USP47: variants seen among roughly 807,000 people sequenced by gnomAD.
USP47 encodes ubiquitin carboxyl-terminal hydrolase 47.
A neutral mutation model predicts 165.1 loss-of-function variants in USP47; 35 were observed. The observed-to-expected ratio is 0.21, with a 90% CI of 0.16 to 0.28. The LOEUF is 0.28. Among genes scored for constraint, USP47 ranks in the 10% least tolerant of loss-of-function variants. The pLI is 1.00. For synonymous variants in USP47, 531 were observed against 544.5 expected (o/e 0.98, Z 0.35); for missense variants, 1,277 against 1,607.4 (o/e 0.79, Z 3.52).
chr11:11,868,016 C>T (rs1849792380), intron 1 of USP47, among the ~76,000 whole-genome samples: 1 of 152,142 alleles, frequency 6.6e-6, no homozygotes, highest in Non-Finnish European at 1.5e-5. Flanking sequence ...AGTCCTCTTT[C>T]AGTCTCTAGG....
chr11:11,860,418 T>C (rs919679944), intron 1 of USP47, among the ~76,000 whole-genome samples: 3 of 152,192 alleles, frequency 2.0e-5, no homozygotes, highest in African/African-American at 7.2e-5. Flanking sequence ...CAGTCCATTG[T>C]TCTTGTACCA....
chr11:11,940,279 A>G, intron 18 of USP47, 150 bp from the exon 19 acceptor site: 1 of 723,372 alleles, frequency 1.4e-6, no homozygotes, highest in Non-Finnish European at 2.0e-6. Flanking sequence ...TTTCCCTTCA[A>G]TTATTCAAAA....
rs556720326 is a variant in USP47, at chr11:11,899,647, T to TA, written c.593+1957dup. ...AGGAACTTCACAGGAACAAGCCCTC[T>TA]AAAGATTTACAGTAAGAGCATACAA... is the stretch of plus-strand genomic sequence containing the variant. On this transcript the variant is annotated intron_variant, in intron 5 of 27. Transcript: ENST00000527733. 2.6e-4 allele frequency among the ~76,000 whole-genome samples: 40 copies of TA among 152,182 alleles called. No individual in the cohort carries two copies. In the East Asian group the frequency reaches 4.1e-3, roughly 15 times the overall value.
intron 14 of USP47, among the ~76,000 whole-genome samples, chr11:11,932,010 G>C (rs1309226328): frequency 2.0e-5 from 3 of 152,106 alleles, no homozygotes; most frequent in African/African-American, 7.2e-5. Context: ...CCAAAACTGA[G>C]TAATTTATAA....
At chr11:11,914,554 T>A (rs763732313) in intron 8 of USP47, among the ~76,000 whole-genome samples, 1 of 152,080 alleles carries the variant, frequency 6.6e-6, no homozygotes, top group Non-Finnish European at 1.5e-5. Flanking sequence ...ACATTAAAAT[T>A]AAAAATATTT....
At chr11:11,933,169 T>TA (rs1854799518) in intron 15 of USP47, 53 bp downstream of exon 15, 3 of 1,407,774 alleles carry the variant, frequency 2.1e-6, no homozygotes, top group Admixed American at 3.8e-5. Context: ...TAAGCTCGCT[T>TA]ACCTGCAATT....
intron 1 of USP47, among the ~76,000 whole-genome samples, chr11:11,850,353 A>G (rs1225916722): frequency 6.8e-6 from 1 of 146,708 alleles, no homozygotes; most frequent in African/African-American, 2.5e-5. Context: ...TTTGTCTTCC[A>G]GTTTTTCTAC....
chr11:11,847,591 G>T (rs1405642892), intron 1 of USP47, among the ~76,000 whole-genome samples: 1 of 152,108 alleles, frequency 6.6e-6, no homozygotes, highest in Non-Finnish European at 1.5e-5. Context: ...GCTTAAGTTA[G>T]AACAGTTTTT....
At chr11:11,869,818 C>CGTG (rs1849917117) in intron 1 of USP47, among the ~76,000 whole-genome samples, 2 of 152,070 alleles carry the variant, frequency 1.3e-5, no homozygotes. Flanking sequence ...GGTTCATTAT[C>CGTG]GTGGGAGTGG....
intron 20 of USP47, among the ~76,000 whole-genome samples, chr11:11,946,823 A>T (rs1855876589): frequency 6.6e-6 from 1 of 152,144 alleles, no homozygotes; most frequent in Non-Finnish European, 1.5e-5. Context: ...CCCTCTTCAT[A>T]CTTTCTTCTA....
intron 5 of USP47, among the ~76,000 whole-genome samples, chr11:11,901,934 G>A (rs1852253938): frequency 6.6e-6 from 1 of 150,486 alleles, no homozygotes; most frequent in Non-Finnish European, 1.5e-5. Context: ...ACTCCAGCCT[G>A]GGCAACAGAA....
intron 20 of USP47, among the ~76,000 whole-genome samples, chr11:11,944,727 G>T (rs1249251732): frequency 6.6e-6 from 1 of 152,078 alleles, no homozygotes; most frequent in Non-Finnish European, 1.5e-5. Context: ...TTCTTTCCTT[G>T]CATCTTAGTA....
Position 11,842,006 on chromosome 11 carries a change from G to C in USP47, c.-180G>C. 1 of 607,178 alleles carries C rather than the reference G, an allele frequency of 1.6e-6. No homozygotes were observed. Among genetic ancestry groups the C allele is most frequent in the East Asian group, 3.3e-5 (1 of 30,014 alleles). The allele number at this position is 607,178 out of a possible 1,614,324, so 37.6% of individuals were successfully genotyped here. A position where few individuals can be genotyped will look rare whatever the true frequency, so the allele number is the denominator to read the frequency against. On this transcript the variant is annotated 5_prime_UTR_variant, in exon 1 of 28. Transcript: ENST00000527733. ...GGCTGTGGTAGCGGCGGCGGCGGCG[G>C]CGGAGCCCTGGGTCGGTGTCTGCGC...
Position 11,921,251 on chromosome 11 carries a change from T to C in USP47, c.1218+757T>C, listed in dbSNP as rs182013622. 4.8e-4 allele frequency among the ~76,000 whole-genome samples: 73 copies of C among 151,908 alleles called. 3 individuals carry two copies. The East Asian group carries it at 0.012, about 26-fold the overall frequency. On this transcript the variant is annotated intron_variant, in intron 10 of 27. Transcript: ENST00000527733. ...TGAAGCGTTTTTTTTTTGTTTTGTT[T>C]TGTTTTGTTTTACTGGAACTGATTA...
rs377184530 is a variant in USP47, at chr11:11,842,152, C to T, written c.-34C>T. The T allele has an allele frequency of 6.4e-7, 1 of 1,551,062 alleles. No homozygotes were observed. Among genetic ancestry groups the T allele is most frequent in the African/African-American group, 1.4e-5 (1 of 73,174 alleles). ...AGCCGCCGCCACCCTCCACCCTCCC[C>T]CGGCAGGGCGGAGAGGAGCGGCCGG... On this transcript the variant is annotated 5_prime_UTR_variant, in exon 1 of 28. Transcript: ENST00000527733.
chr11:11,865,119 C>T (rs1045137037), intron 1 of USP47, among the ~76,000 whole-genome samples: 2 of 152,072 alleles, frequency 1.3e-5, no homozygotes, highest in African/African-American at 4.8e-5. Flanking sequence ...GATTATGATG[C>T]GTCTTGAGAT....
At chr11:11,871,779 A>G (rs1055549492) in intron 1 of USP47, among the ~76,000 whole-genome samples, 2 of 151,990 alleles carry the variant, frequency 1.3e-5, no homozygotes, top group Non-Finnish European at 2.9e-5. Context: ...CAACTCCTTT[A>G]ACTCAGGGAG....
At position 11,880,391 on chromosome 11, in the gene USP47, A is replaced by G. The variant is rs1018274011; in HGVS notation, c.243+11A>G. The G allele has an allele frequency of 1.6e-6, 2 of 1,278,818 alleles. No homozygotes were observed. Among genetic ancestry groups the G allele is most frequent in the Non-Finnish European group, 2.0e-6 (2 of 1,013,552 alleles). The allele number at this position is 1,278,818 out of a possible 1,614,324, so 79.2% of individuals were successfully genotyped here. A position where few individuals can be genotyped will look rare whatever the true frequency, so the allele number is the denominator to read the frequency against. ...AATACTGCTGATATGGTAAAATCCTAGACTTAAGCTTCTAAAAATGTTATT... is the reference window on the plus strand; with the variant it reads ...AATACTGCTGATATGGTAAAATCCTGGACTTAAGCTTCTAAAAATGTTATT... On this transcript the variant is annotated intron_variant, in intron 2 of 27. Coordinates refer to ENST00000527733, the MANE Select transcript of USP47 (RefSeq NM_001282659.2).
At chr11:11,920,125 G>A (rs1222013359) in intron 8 of USP47, 31 bp from the exon 9 acceptor site, 1 of 1,482,350 alleles carries the variant, frequency 6.7e-7, no homozygotes, top group Non-Finnish European at 9.1e-7. Flanking sequence ...AATATTTTAA[G>A]TAATTATAAA....
Sources: gnomAD v4.1 joint callset for allele counts (sites outside exome capture counted in the v4.1 genomes callset) on GRCh38, gnomAD v4.1.1 for gene constraint, MANE v1.5 for transcripts, NCBI Gene and HGNC (gene_info 2026-07-23, HGNC 2026-07-21) for gene names.